The following PXDNL variants were observed in gnomAD, a reference collection of about 807,000 sequenced individuals.
The protein encoded by PXDNL is probable oxidoreductase PXDNL.
PXDNL carries 145 observed loss-of-function variants against 150.8 expected under a neutral mutation model. The ratio of observed to expected loss-of-function variants is 0.96; its 90% CI spans 0.84 to 1.10. The LOEUF is 1.10. Among genes scored for constraint, PXDNL ranks in the 50% least tolerant of loss-of-function variants. PXDNL has a pLI of 0.00. For missense variants in PXDNL, 2,087 were observed against 1,873.9 expected, an observed-to-expected ratio of 1.11 and a Z score of -2.10; for synonymous variants, 757 against 725.7, an observed-to-expected ratio of 1.04 and a Z score of -0.69.
chr8:51,597,838 C>T (rs1232967644), intron 2 of PXDNL, among the ~76,000 whole-genome samples: 1 of 151,992 alleles, frequency 6.6e-6, no homozygotes, highest in Non-Finnish European at 1.5e-5. Flanking sequence ...CCTCAGCCTC[C>T]CGAGTAGCTG....
At position 51,483,132 on chromosome 8, in the gene PXDNL, A is replaced by G. The variant is rs568891675; in HGVS notation, c.524+511T>C. Among the ~76,000 whole-genome samples the G allele has an allele frequency of 1.2e-3, 188 of 152,356 alleles. 1 individual carries two copies. Among genetic ancestry groups the G allele is most frequent in the Non-Finnish European group, 1.9e-3 (128 of 68,034 alleles). On this transcript the variant is annotated intron_variant, in intron 6 of 22. Transcript: ENST00000356297. ...CAGGAGGGTGGAGACACAGGTGGAA[A>G]AAAGTGATGGACATCAGCCCACGGA... is the stretch of plus-strand genomic sequence containing the variant.
chr8:51,527,689 A>G (rs977792155), intron 4 of PXDNL, among the ~76,000 whole-genome samples: 2 of 152,158 alleles, frequency 1.3e-5, no homozygotes, highest in African/African-American at 4.8e-5. Context: ...GGATCTCATA[A>G]TCCTTATAAC....
chr8:51,672,589 T>C (rs1815519658), intron 1 of PXDNL, among the ~76,000 whole-genome samples: 2 of 152,182 alleles, frequency 1.3e-5, no homozygotes, highest in Non-Finnish European at 2.9e-5. Context: ...ATTACAGTCA[T>C]ACTCTAAGTG....
At chr8:51,425,688 G>A (rs1420469971) in intron 13 of PXDNL, among the ~76,000 whole-genome samples, 1 of 152,068 alleles carries the variant, frequency 6.6e-6, no homozygotes, top group African/African-American at 2.4e-5. Flanking sequence ...GGGCGTGGTG[G>A]CGGGCGCCTG....
chr8:51,613,411 A>T (rs1244171058), intron 2 of PXDNL, among the ~76,000 whole-genome samples: 1 of 145,306 alleles, frequency 6.9e-6, no homozygotes, highest in Non-Finnish European at 1.5e-5. Context: ...GTATCTGAAG[A>T]CAAGAAAGTA....
intron 1 of PXDNL, among the ~76,000 whole-genome samples, chr8:51,727,871 C>T (rs1473758474): frequency 6.6e-6 from 1 of 152,218 alleles, no homozygotes; most frequent in African/African-American, 2.4e-5. Context: ...GTTTTGACTG[C>T]TCCCAAGTTC....
At chr8:51,522,990 A>G (rs1482160918) in intron 4 of PXDNL, among the ~76,000 whole-genome samples, 1 of 152,218 alleles carries the variant, frequency 6.6e-6, no homozygotes, top group Non-Finnish European at 1.5e-5. Context: ...AGATGGAATT[A>G]CCTACAACAG....
At chr8:51,731,171 G>A (rs1340581526) in intron 1 of PXDNL, among the ~76,000 whole-genome samples, 2 of 152,162 alleles carry the variant, frequency 1.3e-5, no homozygotes, top group African/African-American at 2.4e-5. Flanking sequence ...CCACCTAAGA[G>A]CCTGTAAAAT....
chr8:51,666,756 A>C (rs4873570), intron 1 of PXDNL, among the ~76,000 whole-genome samples: 128,040 of 152,184 alleles, frequency 0.84, 54,172 homozygotes, highest in African/African-American at 0.93. Context: ...ATGCCTGCAT[A>C]ATCACTGTCC....
intron 4 of PXDNL, among the ~76,000 whole-genome samples, chr8:51,527,841 A>G (rs1251357974): frequency 6.6e-6 from 1 of 152,210 alleles, no homozygotes; most frequent in Non-Finnish European, 1.5e-5. Context: ...AGAGAGAATC[A>G]GTCAGGGAAA....
chr8:51,584,877 G>A (rs1330065856), intron 3 of PXDNL, among the ~76,000 whole-genome samples: 14 of 152,134 alleles, frequency 9.2e-5, no homozygotes, highest in Non-Finnish European at 7.3e-5. Context: ...GCCCTTCAGA[G>A]ATTTAGAAAG....
chr8:51,432,780 C>A (rs140967168), intron 12 of PXDNL, among the ~76,000 whole-genome samples: 1 of 152,154 alleles, frequency 6.6e-6, no homozygotes, highest in African/African-American at 2.4e-5. Flanking sequence ...TGAGGATAAT[C>A]CTATTATATA....
chr8:51,512,895 A>T (rs1811452193), intron 4 of PXDNL, among the ~76,000 whole-genome samples: 1 of 151,188 alleles, frequency 6.6e-6, no homozygotes, highest in African/African-American at 2.4e-5. Flanking sequence ...CATCTTCTCA[A>T]TTTGCTGGCT....
At chr8:51,381,516 C>A (rs573778972) in intron 17 of PXDNL, among the ~76,000 whole-genome samples, 84 of 152,282 alleles carry the variant, frequency 5.5e-4, no homozygotes, top group Non-Finnish European at 9.4e-4. Flanking sequence ...TACTGCCCCC[C>A]AGTATCTGCT....
chr8:51,665,307 C>A (rs999151262), intron 1 of PXDNL, among the ~76,000 whole-genome samples: 1 of 152,148 alleles, frequency 6.6e-6, no homozygotes, highest in African/African-American at 2.4e-5. Context: ...TGGACAGGCC[C>A]ACACTCTCAG....
chr8:51,598,701 A>C lies in PXDNL; in HGVS notation c.237-6003T>G, dbSNP rs144107152. Among the ~76,000 whole-genome samples the C allele has an allele frequency of 5.4e-3, 814 of 151,698 alleles. 26 individuals are homozygous for C. Among genetic ancestry groups the C allele is most frequent in the Admixed American group, 0.05 (767 of 15,214 alleles). On this transcript the variant is annotated intron_variant, in intron 2 of 22. Coordinates refer to ENST00000356297, the MANE Select transcript of PXDNL (RefSeq NM_144651.5). The stretch of plus-strand genomic sequence containing the variant: ...ATCAGGGATATTGGCCTGTAGTTTC[A>C]TTTTTTATTGTATCTTTGCTAGATG...
At chr8:51,668,813 T>C (rs1460624631) in intron 1 of PXDNL, among the ~76,000 whole-genome samples, 2 of 152,236 alleles carry the variant, frequency 1.3e-5, no homozygotes, top group East Asian at 3.8e-4. Context: ...CATATTTTTG[T>C]CAATTATTCC....
At chr8:51,384,397 G>T (rs967822875) in intron 17 of PXDNL, among the ~76,000 whole-genome samples, 1 of 151,870 alleles carries the variant, frequency 6.6e-6, no homozygotes, top group East Asian at 1.9e-4. Flanking sequence ...AAATCTTATG[G>T]TTAATTTGTC....
intron 1 of PXDNL, among the ~76,000 whole-genome samples, chr8:51,688,498 G>A (rs1585675144): frequency 6.6e-6 from 1 of 152,266 alleles, no homozygotes; most frequent in South Asian, 2.1e-4. Flanking sequence ...TAAGAAAGTT[G>A]AACAAACACA....
Sources: allele counts gnomAD v4.1 joint callset (sites outside exome capture counted in the v4.1 genomes callset), GRCh38; gene constraint gnomAD v4.1.1; transcripts MANE v1.5; gene names NCBI Gene and HGNC (gene_info 2026-07-23, HGNC 2026-07-21).